GNAQ: variants seen among roughly 807,000 people sequenced by gnomAD.
GNAQ encodes the protein G protein subunit alpha q.
In GNAQ, 8 loss-of-function variants were observed where a neutral mutation model predicts 43.9. The observed-to-expected ratio is 0.18, with a 90% CI of 0.11 to 0.33. The LOEUF (loss-of-function observed/expected upper bound fraction) is 0.33, where lower values mean the gene tolerates loss of function less well. Ranked by LOEUF, GNAQ falls within the 10% of genes least tolerant of loss-of-function variation. The pLI, the probability that GNAQ is intolerant of heterozygous loss-of-function variation, is 1.00. For synonymous variants in GNAQ, 155 were observed against 170.7 expected (o/e 0.91, Z 0.71); for missense variants, 158 against 450.8 (o/e 0.35, Z 5.88).
At chr9:78,015,371 T>C (rs1443680768) in intron 1 of GNAQ, among the ~76,000 whole-genome samples, 1 of 152,166 alleles carries the variant, frequency 6.6e-6, no homozygotes, top group Non-Finnish European at 1.5e-5. Flanking sequence ...TCTCAGAAGG[T>C]ATCCCCATTG....
intron 5 of GNAQ, among the ~76,000 whole-genome samples, chr9:77,776,785 T>C (rs1401461949): frequency 6.6e-6 from 1 of 151,834 alleles, no homozygotes; most frequent in Non-Finnish European, 1.5e-5. Flanking sequence ...AGAATATACA[T>C]CTTCTCGCAT....
In GNAQ at chr9:77,748,122, C is replaced by CTCTA. The variant is rs529741902; in HGVS notation, c.736-19459_736-19456dup. Reference sequence around the variant, plus strand: ...GTCCAGTTTCCAAATCCAGAGTCTCCTCTATCTAACATTTTCAGATGAAAT... The same window carrying CTCTA: ...GTCCAGTTTCCAAATCCAGAGTCTCCTCTATCTATCTAACATTTTCAGATGAAAT... On this transcript the variant is annotated intron_variant, in intron 5 of 6. Coordinates refer to ENST00000286548, the MANE Select transcript of GNAQ (RefSeq NM_002072.5). Among the ~76,000 whole-genome samples, 229 of 152,258 alleles carry CTCTA rather than the reference C, an allele frequency of 1.5e-3. 2 individuals are homozygous for CTCTA. The highest frequency in any genetic ancestry group is 4.2e-3 in the African/African-American group (175 of 41,540).
chr9:78,010,450 G>A (rs1823760110), intron 1 of GNAQ, among the ~76,000 whole-genome samples: 1 of 152,226 alleles, frequency 6.6e-6, no homozygotes, highest in East Asian at 1.9e-4. Context: ...GAATTTAGAG[G>A]GGAACAGACT....
At chr9:77,832,087 C>CT (rs34672083) in intron 2 of GNAQ, among the ~76,000 whole-genome samples, 18,163 of 146,002 alleles carry the variant, frequency 0.12, 1,159 homozygotes, top group East Asian at 0.29. Flanking sequence ...GATTAGAGCA[C>CT]TTTTTTTTTT....
intron 5 of GNAQ, among the ~76,000 whole-genome samples, chr9:77,765,502 C>T (rs77687271): frequency 0.037 from 5,558 of 152,066 alleles, 302 homozygotes; most frequent in African/African-American, 0.12. Flanking sequence ...AAACGGCCAA[C>T]GAACACATGA....
intron 2 of GNAQ, among the ~76,000 whole-genome samples, chr9:77,836,687 G>A (rs901282329): frequency 1.3e-5 from 2 of 152,012 alleles, no homozygotes; most frequent in African/African-American, 4.8e-5. Context: ...ATGGAGAAAA[G>A]AATAGTACTA....
At chr9:77,953,816 AG>A (rs1823010687) in intron 1 of GNAQ, among the ~76,000 whole-genome samples, 3 of 152,342 alleles carry the variant, frequency 2.0e-5, no homozygotes, top group Admixed American at 2.0e-4. Context: ...ATGAGAACCA[AG>A]TAACAGTTAC....
chr9:77,979,453 G>C (rs949055117), intron 1 of GNAQ, among the ~76,000 whole-genome samples: 1 of 152,028 alleles, frequency 6.6e-6, no homozygotes, highest in Non-Finnish European at 1.5e-5. Context: ...TGTCCATGTT[G>C]TTCTTTTTTT....
intron 5 of GNAQ, among the ~76,000 whole-genome samples, chr9:77,779,680 C>CAAAAAAAAAAAAAAAAAAA (rs58014303): frequency 2.1e-5 from 2 of 95,934 alleles, no homozygotes; most frequent in African/African-American, 4.1e-5. Context: ...AAAAACAAAA[C>CAAAAAAAAAAAAAAAAAAA]AAAAAAAAAA....
At chr9:77,897,124 T>A (rs1828517133) in intron 2 of GNAQ, among the ~76,000 whole-genome samples, 1 of 152,238 alleles carries the variant, frequency 6.6e-6, no homozygotes, top group Admixed American at 6.5e-5. Flanking sequence ...ACCGGGGTAA[T>A]TCTCTGCAGA....
intron 2 of GNAQ, among the ~76,000 whole-genome samples, chr9:77,819,183 G>C (rs1169158206): frequency 6.6e-6 from 1 of 152,152 alleles, no homozygotes; most frequent in African/African-American, 2.4e-5. Flanking sequence ...GCAAGGCTTA[G>C]AGGGAACATT....
intron 4 of GNAQ, among the ~76,000 whole-genome samples, chr9:77,797,163 G>T (rs1274769215): frequency 6.6e-6 from 1 of 152,042 alleles, no homozygotes; most frequent in Non-Finnish European, 1.5e-5. Context: ...CTCCCAAGCA[G>T]CTGGGATTAC....
chr9:77,906,560 TA>T (rs1828712025), intron 2 of GNAQ, among the ~76,000 whole-genome samples: 1 of 152,214 alleles, frequency 6.6e-6, no homozygotes, highest in East Asian at 1.9e-4. Flanking sequence ...GTACTTGTGA[TA>T]TATACTCGAT....
chr9:77,928,107 C>T (rs1276836117), intron 1 of GNAQ, among the ~76,000 whole-genome samples: 1 of 152,176 alleles, frequency 6.6e-6, no homozygotes, highest in African/African-American at 2.4e-5. Flanking sequence ...AAAAAGTATT[C>T]AATAACACTG....
intron 2 of GNAQ, among the ~76,000 whole-genome samples, chr9:77,906,046 A>G (rs756892501): frequency 4.6e-5 from 7 of 152,168 alleles, no homozygotes; most frequent in Non-Finnish European, 1.0e-4. Context: ...ATGTATACCT[A>G]TGTAACAAAC....
At chr9:77,987,392 G>C (rs544017433) in intron 1 of GNAQ, among the ~76,000 whole-genome samples, 4 of 152,048 alleles carry the variant, frequency 2.6e-5, no homozygotes, top group African/African-American at 9.7e-5. Flanking sequence ...CCCATGTTTT[G>C]AGGCATATCA....
rs145029608 is a variant in GNAQ, at chr9:77,956,527, A to T, written c.137-34182T>A. Among the ~76,000 whole-genome samples, 1,025 of 152,294 alleles carry T rather than the reference A, an allele frequency of 6.7e-3. 15 individuals are homozygous for T. The highest frequency in any genetic ancestry group is 0.023 in the African/African-American group (951 of 41,564). On this transcript the variant is annotated intron_variant, in intron 1 of 6. Coordinates refer to ENST00000286548, the MANE Select transcript of GNAQ (RefSeq NM_002072.5). ...CAAAGCCATATATCCTATGGGAAGGAACATGAATCCTGGGGCACTGCAACC... is the reference window on the plus strand; with the variant it reads ...CAAAGCCATATATCCTATGGGAAGGTACATGAATCCTGGGGCACTGCAACC...
At chr9:77,899,923 A>G (rs775378375) in intron 2 of GNAQ, among the ~76,000 whole-genome samples, 4 of 152,218 alleles carry the variant, frequency 2.6e-5, no homozygotes, top group Non-Finnish European at 5.9e-5. Flanking sequence ...CTAGCAGAGC[A>G]AATTCTGCAG....
chr9:78,002,997 TAAG>T (rs1375702061), intron 1 of GNAQ, among the ~76,000 whole-genome samples: 3 of 152,018 alleles, frequency 2.0e-5, no homozygotes, highest in East Asian at 1.9e-4. Flanking sequence ...AAGCTCCATA[TAAG>T]AAGTTTTCAA....
Sources: gnomAD v4.1 joint callset for allele counts (sites outside exome capture counted in the v4.1 genomes callset) on GRCh38, gnomAD v4.1.1 for gene constraint, MANE v1.5 for transcripts, NCBI Gene and HGNC (gene_info 2026-07-23, HGNC 2026-07-21) for gene names.